Variants in FARS2 observed in about 807,000 individuals in gnomAD.
The protein encoded by FARS2 is phenylalanine--tRNA ligase, mitochondrial.
Under a neutral mutation model 46.4 loss-of-function variants are expected in FARS2, and 40 were observed. The observed-to-expected ratio is 0.86, with a 90% CI of 0.67 to 1.12. The LOEUF (loss-of-function observed/expected upper bound fraction) is 1.12. FARS2 is among the 50% of genes most tolerant of loss of function. The pLI, the probability that FARS2 is intolerant of heterozygous loss-of-function variation, is 0.00. For missense variants in FARS2, 513 were observed against 567.9 expected (o/e 0.90, Z 0.98); for synonymous variants, 234 against 214.9 (o/e 1.09, Z -0.78).
chr6:5,631,948 G>C (rs561813550), intron 6 of FARS2, among the ~76,000 whole-genome samples: 24 of 152,198 alleles, frequency 1.6e-4, no homozygotes, highest in Admixed American at 3.3e-4. Context: ...ATTATGATCT[G>C]TTGGTATGCT....
At chr6:5,616,143 T>A (rs1187361094) in intron 6 of FARS2, among the ~76,000 whole-genome samples, 2 of 152,096 alleles carry the variant, frequency 1.3e-5, no homozygotes, top group East Asian at 1.9e-4. Context: ...TCTACTTGAT[T>A]TCAGCTGCTG....
intron 6 of FARS2, among the ~76,000 whole-genome samples, chr6:5,719,512 A>C (rs1759752172): frequency 6.6e-6 from 1 of 152,148 alleles, no homozygotes; most frequent in Admixed American, 6.5e-5. Flanking sequence ...GATAGCACTT[A>C]GATGCTAATG....
At position 5,301,847 on chromosome 6, in the gene FARS2, A is replaced by AC. The variant is rs57552015; in HGVS notation, c.-22+40187_-22+40188insC. On this transcript the variant is annotated intron_variant, in intron 1 of 6. Coordinates refer to ENST00000274680, the MANE Select transcript of FARS2 (RefSeq NM_006567.5). ...CACACACACACACACACACACACAC[A>AC]AAGAAAATGGGGCTAAATTGGTGGA... Among the ~76,000 whole-genome samples the AC allele has an allele frequency of 3.5e-3, 532 of 150,248 alleles. 5 individuals carry two copies. Among genetic ancestry groups the AC allele is most frequent in the African/African-American group, 0.012 (498 of 40,542 alleles).
intron 4 of FARS2, among the ~76,000 whole-genome samples, chr6:5,455,640 G>A (rs114835445): frequency 0.016 from 2,498 of 152,246 alleles, 69 homozygotes; most frequent in African/African-American, 0.057. Context: ...TCTATAAACT[G>A]CTGCTTTCTA....
At chr6:5,666,840 G>A (rs548009445) in intron 6 of FARS2, among the ~76,000 whole-genome samples, 11 of 152,280 alleles carry the variant, frequency 7.2e-5, no homozygotes, top group African/African-American at 2.6e-4. Flanking sequence ...AATGGTAGAC[G>A]AGATAAAGAA....
At chr6:5,682,154 G>A (rs1180926703) in intron 6 of FARS2, among the ~76,000 whole-genome samples, 1 of 152,168 alleles carries the variant, frequency 6.6e-6, no homozygotes, top group Non-Finnish European at 1.5e-5. Context: ...CACCTTGATG[G>A]AATATTACCT....
intron 2 of FARS2, among the ~76,000 whole-genome samples, chr6:5,378,963 C>T (rs892521622): frequency 2.0e-5 from 3 of 152,168 alleles, no homozygotes; most frequent in African/African-American, 7.2e-5. Flanking sequence ...TTCTGTGGCA[C>T]AGGGCTTTTG....
At position 5,602,670 on chromosome 6, in the gene FARS2, A is replaced by AAAGG. The variant is rs1554114901; in HGVS notation, c.1066-10499_1066-10498insAAGG. Among the ~76,000 whole-genome samples the AAAGG allele has an allele frequency of 4.1e-3, 560 of 137,556 alleles. 1 individual carries two copies. Among genetic ancestry groups the AAAGG allele is most frequent in the South Asian group, 8.0e-3 (33 of 4,150 alleles). The allele number at this position is 137,556 out of a possible 152,430, so 90.2% of individuals were successfully genotyped here. On this transcript the variant is annotated intron_variant, in intron 5 of 6. Transcript: ENST00000274680. The stretch of plus-strand genomic sequence containing the variant: ...CAAAAAAAAAAAAAAAAAAAAAAAA[A>AAAGG]GGGAACCTCCCAGGATTTTAACCTT...
At chr6:5,468,991 A>G (rs1007919291) in intron 4 of FARS2, among the ~76,000 whole-genome samples, 1 of 152,124 alleles carries the variant, frequency 6.6e-6, no homozygotes, top group Admixed American at 6.5e-5. Context: ...TGACGGGTAA[A>G]TTTTGAAAAT....
intron 5 of FARS2, among the ~76,000 whole-genome samples, chr6:5,591,548 G>A (rs1350619457): frequency 1.3e-5 from 2 of 152,208 alleles, no homozygotes; most frequent in South Asian, 2.1e-4. Flanking sequence ...ATGTCCACTC[G>A]GATGACCTGT....
intron 5 of FARS2, among the ~76,000 whole-genome samples, chr6:5,585,031 T>A (rs749402743): frequency 2.0e-5 from 3 of 152,140 alleles, no homozygotes; most frequent in South Asian, 2.1e-4. Flanking sequence ...CTTTTTCATA[T>A]CAAAACATGG....
At chr6:5,371,112 T>C in intron 2 of FARS2, 2 of 769,428 alleles carry the variant, frequency 2.6e-6, no homozygotes, top group South Asian at 5.9e-5. Flanking sequence ...CTTTTTTTCA[T>C]GACACTCCTT....
chr6:5,746,186 G>A (rs920341269), intron 6 of FARS2, among the ~76,000 whole-genome samples: 4 of 152,092 alleles, frequency 2.6e-5, no homozygotes, highest in African/African-American at 7.2e-5. Flanking sequence ...TTACACTGCT[G>A]AGACCAACCC....
At chr6:5,433,239 A>G (rs1422232418) in intron 4 of FARS2, among the ~76,000 whole-genome samples, 1 of 152,140 alleles carries the variant, frequency 6.6e-6, no homozygotes, top group East Asian at 1.9e-4. Flanking sequence ...AGATGGGTGC[A>G]AGGATACACC....
intron 6 of FARS2, among the ~76,000 whole-genome samples, chr6:5,746,992 A>G (rs1761683463): frequency 6.6e-6 from 1 of 152,220 alleles, no homozygotes; most frequent in African/African-American, 2.4e-5. Flanking sequence ...ATGGTAACAG[A>G]TGAGCAAAGA....
intron 1 of FARS2, among the ~76,000 whole-genome samples, chr6:5,354,262 G>T (rs920207956): frequency 2.0e-5 from 3 of 152,028 alleles, no homozygotes; most frequent in Admixed American, 6.5e-5. Context: ...TTCCCAGATA[G>T]CTTACAACAG....
chr6:5,615,610 G>A lies in FARS2; in HGVS notation c.1217+2290G>A, dbSNP rs140568974. Among the ~76,000 whole-genome samples, 3 of 152,202 alleles carry A rather than the reference G, an allele frequency of 2.0e-5. No individual in the cohort carries two copies. In the East Asian group the frequency reaches 5.8e-4, roughly 29 times the overall value. On this transcript the variant is annotated intron_variant, in intron 6 of 6. Coordinates refer to ENST00000274680, the MANE Select transcript of FARS2 (RefSeq NM_006567.5). ...GGCAACATTTTTCTGTGACTTTTCTGTTTCTCTGCCATTGTCCTCTTTTTT... is the reference window on the plus strand; with the variant it reads ...GGCAACATTTTTCTGTGACTTTTCTATTTCTCTGCCATTGTCCTCTTTTTT...
intron 6 of FARS2, among the ~76,000 whole-genome samples, chr6:5,692,182 T>C (rs537041736): frequency 2.4e-4 from 36 of 152,332 alleles, no homozygotes; most frequent in Non-Finnish European, 3.8e-4. Flanking sequence ...CTCGGTGCGC[T>C]GCACCCACTG....
intron 4 of FARS2, among the ~76,000 whole-genome samples, chr6:5,490,951 C>G (rs1270079911): frequency 1.3e-5 from 2 of 152,200 alleles, no homozygotes; most frequent in Non-Finnish European, 2.9e-5. Context: ...GTAAACTGCT[C>G]TTGGATTCCT....
Sources: gnomAD v4.1 joint callset for allele counts (sites outside exome capture counted in the v4.1 genomes callset) on GRCh38, gnomAD v4.1.1 for gene constraint, MANE v1.5 for transcripts, NCBI Gene and HGNC (gene_info 2026-07-23, HGNC 2026-07-21) for gene names.